C2CD3: variants seen among roughly 807,000 people sequenced by gnomAD.
The protein encoded by C2CD3 is C2 domain-containing protein 3.
C2CD3 carries 148 observed loss-of-function variants against 234.0 expected under a neutral mutation model. The observed-to-expected ratio is 0.63, with a 90% CI of 0.55 to 0.72. C2CD3 has a LOEUF of 0.72. C2CD3 is among the 30% of genes least tolerant of loss of function. The pLI, the probability that C2CD3 is intolerant of heterozygous loss-of-function variation, is 0.00. For synonymous variants in C2CD3, 1,000 were observed against 1,035.4 expected (o/e 0.97, Z 0.66); for missense variants, 2,577 against 2,811.5 (o/e 0.92, Z 1.89).
chr11:74,060,861 G>A (rs1341137798), intron 24 of C2CD3, among the ~76,000 whole-genome samples: 1 of 152,164 alleles, frequency 6.6e-6, no homozygotes, highest in Non-Finnish European at 1.5e-5. Flanking sequence ...CCATTGCAAA[G>A]AAGCTAAAAA....
At position 74,170,877 on chromosome 11, in the gene C2CD3, TG is replaced by T. The variant is rs1857166897; in HGVS notation, c.-86del. 1 of 1,464,416 alleles carries T rather than the reference TG, an allele frequency of 6.8e-7. No individual in the cohort carries two copies. The allele number at this position is 1,464,416 out of a possible 1,614,324, so 90.7% of individuals were successfully genotyped here. ...TCCCGCCATCCCTCCCCACGGCGCC[TG>T]CGTTCCCCGGCAACCGGCGCCGCTG... is the stretch of plus-strand genomic sequence containing the variant. On this transcript the variant is annotated 5_prime_UTR_variant, in exon 1 of 33. Transcript: ENST00000334126.
intron 5 of C2CD3, 89 bp from the exon 6 acceptor site, chr11:74,133,646 T>G (rs1262684510): frequency 3.7e-6 from 5 of 1,357,064 alleles, no homozygotes; most frequent in Non-Finnish European, 5.1e-6. Context: ...ATCAGAGGAC[T>G]CACTAGTGTG....
intron 26 of C2CD3, among the ~76,000 whole-genome samples, chr11:74,051,680 T>G (rs1324962332): frequency 1.3e-5 from 2 of 152,208 alleles, no homozygotes; most frequent in Non-Finnish European, 2.9e-5. Context: ...AGTTCAGGTG[T>G]GCTCCAGGAA....
chr11:74,044,667 T>C (rs1004013001), intron 28 of C2CD3, among the ~76,000 whole-genome samples: 1 of 152,180 alleles, frequency 6.6e-6, no homozygotes, highest in African/African-American at 2.4e-5. Flanking sequence ...GTACTAAGCA[T>C]ATTACCTAAC....
Position 74,057,432 on chromosome 11 carries a change from G to T in C2CD3, c.5064C>A (p.Pro1688=). Reference sequence around the variant, plus strand: ...TTGACTGCTGTTGAAAATTCCAGATGGGGGAATCTGTGTTTTCAACCACTT... The same window carrying T: ...TTGACTGCTGTTGAAAATTCCAGATTGGGGAATCTGTGTTTTCAACCACTT... ...YTQVVENTDS[P]IWNFQQQSRL... is the part of the protein sequence containing the mutation. Residue 1688 remains proline (P), a synonymous_variant, in exon 25 of 33, where the codon CCC becomes CCA. Transcript: ENST00000334126. The T allele has an allele frequency of 6.2e-7, 1 of 1,614,026 alleles. No homozygotes were observed. The highest frequency in any genetic ancestry group is 1.7e-5 in the Admixed American group (1 of 60,024).
chr11:74,054,327 C>T (rs1038386268), intron 26 of C2CD3, among the ~76,000 whole-genome samples: 5 of 151,282 alleles, frequency 3.3e-5, no homozygotes, highest in South Asian at 2.1e-4. Flanking sequence ...TTGCGGTCCC[C>T]GCTACTCAGG....
chr11:74,043,486 T>C (rs182887193), intron 28 of C2CD3, among the ~76,000 whole-genome samples: 9 of 151,298 alleles, frequency 5.9e-5, no homozygotes, highest in Admixed American at 2.0e-4. Context: ...TTCATTTCTT[T>C]TGGGCATAAA....
Position 74,139,716 on chromosome 11 carries a change from G to A in C2CD3, c.596C>T (p.Thr199Ile). Residue 199 changes from threonine (T) to isoleucine (I), a missense_variant, in exon 4 of 33, where the codon ACT becomes ATT. By Grantham distance (89) the Thr-to-Ile change is moderately conservative (BLOSUM62 -1). Transcript: ENST00000334126. ...LLSKQGFRENTEPSSTQFQVP... is the reference protein window; with the variant it reads ...LLSKQGFRENIEPSSTQFQVP... ...CTGAAACTGGGTACTGCTGGGTTCA[G>A]TATTCTCTCTGAATCCCTGCTTAGA... The A allele has an allele frequency of 2.5e-6, 4 of 1,613,332 alleles. No individual in the cohort carries two copies. The highest frequency in any genetic ancestry group is 3.4e-6 in the Non-Finnish European group (4 of 1,179,280).
chr11:74,034,800 C>T (rs1277601922), intron 30 of C2CD3, among the ~76,000 whole-genome samples: 1 of 152,220 alleles, frequency 6.6e-6, no homozygotes, highest in Non-Finnish European at 1.5e-5. Flanking sequence ...GCCGGTCAAT[C>T]TTGGGTTCGA....
intron 3 of C2CD3, among the ~76,000 whole-genome samples, chr11:74,154,483 GAATA>G (rs893946250): frequency 3.3e-5 from 5 of 152,100 alleles, no homozygotes; most frequent in Admixed American, 6.5e-5. Context: ...ATGAATGAAT[GAATA>G]AATACTTATA....
At chr11:74,121,473 G>A (rs1447409298) in intron 8 of C2CD3, among the ~76,000 whole-genome samples, 1 of 151,838 alleles carries the variant, frequency 6.6e-6, no homozygotes, top group Non-Finnish European at 1.5e-5. Flanking sequence ...CAGGTGCAGT[G>A]GCATGTGCCT....
chr11:74,075,088 A>C (rs1211822363), intron 23 of C2CD3, among the ~76,000 whole-genome samples: 1 of 152,160 alleles, frequency 6.6e-6, no homozygotes, highest in East Asian at 1.9e-4. Context: ...TGTCTCAAAA[A>C]ACAAAACAAA....
rs1954935223 is a variant in C2CD3, at chr11:74,074,383, A to C, written c.4821T>G (p.Pro1607=). 6.2e-7 allele frequency: 1 copy of C among 1,614,218 alleles called. No homozygotes were observed. ...PEVISCHQKS[P]ASTQVPCSST... ...TGCTGCAGGGGACCTGGGTGGAGGC[A>C]GGAGACTTCTGGTGGCAGGAGATGA... The change falls in exon 24 of 33, where the codon CCT becomes CCG. Residue 1607 remains proline, a synonymous_variant. Transcript: ENST00000334126.
chr11:74,037,006 G>A (rs1159563302), intron 30 of C2CD3, among the ~76,000 whole-genome samples: 5 of 152,178 alleles, frequency 3.3e-5, no homozygotes, highest in East Asian at 1.9e-4. Context: ...ACTATGAATC[G>A]CTAACATCCA....
chr11:74,068,608 G>C (rs768126420), intron 24 of C2CD3, among the ~76,000 whole-genome samples: 112 of 152,168 alleles, frequency 7.4e-4, no homozygotes, highest in Non-Finnish European at 1.3e-3. Flanking sequence ...GGACACCTAG[G>C]TTCCAATGTA....
At chr11:74,016,567 A>C (rs1951887238) in intron 32 of C2CD3, 1 of 152,412 alleles carries the variant, frequency 6.6e-6, no homozygotes, top group African/African-American at 2.4e-5. Flanking sequence ...TGTACAGGGC[A>C]GGGGCGGGGT....
chr11:74,032,215 A>G (rs1046345569), intron 31 of C2CD3, among the ~76,000 whole-genome samples: 1 of 152,196 alleles, frequency 6.6e-6, no homozygotes, highest in Non-Finnish European at 1.5e-5. Context: ...AGATTAAACT[A>G]TATGTCTATA....
At chr11:74,148,814 GGA>G (rs1490305672) in intron 3 of C2CD3, among the ~76,000 whole-genome samples, 1 of 152,040 alleles carries the variant, frequency 6.6e-6, no homozygotes, top group East Asian at 1.9e-4. Flanking sequence ...CCTCTTTTCA[GGA>G]GAGATCCCAT....
rs958327841 is a variant in C2CD3 at position 74,050,377 on chromosome 11, C to A, written c.5156-835G>T. 2.6e-5 allele frequency among the ~76,000 whole-genome samples: 4 copies of A among 152,316 alleles called. No homozygotes were observed. The South Asian group carries it at 8.3e-4, about 32-fold the overall frequency. On this transcript the variant is annotated intron_variant, in intron 26 of 32. Transcript: ENST00000334126. ...CTTCTCTACATGGTAAGGGGGCTGC[C>A]TTTAATGACTGAGAAGATTCTCTTT...
Sources: allele counts gnomAD v4.1 joint callset (sites outside exome capture counted in the v4.1 genomes callset), GRCh38; gene constraint gnomAD v4.1.1; transcripts MANE v1.5; gene names NCBI Gene and HGNC (gene_info 2026-07-23, HGNC 2026-07-21).